The following PCDH9 variants were observed in gnomAD, a reference collection of about 807,000 sequenced individuals.
PCDH9 encodes the protein protocadherin 9, also known as protocadherin-9.
PCDH9 carries 24 observed loss-of-function variants against 70.6 expected under a neutral mutation model. That is an observed-to-expected ratio of 0.34 (90% CI 0.25 to 0.48). PCDH9 has a LOEUF of 0.48. PCDH9 is among the 20% of genes least tolerant of loss of function. The pLI, the probability that PCDH9 is intolerant of heterozygous loss-of-function variation, is 0.99. For missense variants in PCDH9, 1,281 were observed against 1,503.6 expected, an observed-to-expected ratio of 0.85 and a Z score of 2.45; for synonymous variants, 562 against 558.5, an observed-to-expected ratio of 1.01 and a Z score of -0.09.
chr13:67,003,589 G>A (rs576658311), intron 2 of PCDH9, among the ~76,000 whole-genome samples: 4 of 151,912 alleles, frequency 2.6e-5, no homozygotes, highest in East Asian at 1.9e-4. Flanking sequence ...TTAGCATTTC[G>A]GGACTTTGAA....
At chr13:66,596,507 T>C (rs1246740945) in intron 4 of PCDH9, among the ~76,000 whole-genome samples, 1 of 146,202 alleles carries the variant, frequency 6.8e-6, no homozygotes, top group Admixed American at 6.8e-5. Context: ...ACAGATGCAT[T>C]ATATTTTCAT....
At chr13:66,851,617 T>A (rs933597344) in intron 3 of PCDH9, among the ~76,000 whole-genome samples, 11 of 150,162 alleles carry the variant, frequency 7.3e-5, no homozygotes, top group Non-Finnish European at 1.3e-4. Context: ...ACTCATTTTA[T>A]TGACTCTGTG....
At chr13:66,673,962 C>A (rs1181284309) in intron 3 of PCDH9, among the ~76,000 whole-genome samples, 2 of 152,036 alleles carry the variant, frequency 1.3e-5, no homozygotes, top group East Asian at 3.8e-4. Context: ...CTTATGATAT[C>A]ATTCTATTAC....
rs540676854 is a variant in PCDH9, at chr13:66,346,999, G to A, written c.3341-41971C>T. Among the ~76,000 whole-genome samples the A allele has an allele frequency of 9.3e-4, 141 of 152,284 alleles. 2 individuals are homozygous for A. The highest frequency in any genetic ancestry group is 3.7e-3 in the South Asian group (18 of 4,826). ...TTCATTGTATTCAATTTAAGATTAT[G>A]GGGATATATTAACTCTTTCAGGCTC... On this transcript the variant is annotated intron_variant, in intron 4 of 4. Coordinates refer to ENST00000377865, the MANE Select transcript of PCDH9 (RefSeq NM_203487.3).
intron 2 of PCDH9, chr13:67,224,850 T>C (rs1342128494): frequency 2.1e-6 from 2 of 953,986 alleles, no homozygotes; most frequent in East Asian, 1.2e-4. Flanking sequence ...AGACTTCCTA[T>C]ATGGCTTAGT....
chr13:66,414,637 T>C (rs1473806687), intron 4 of PCDH9, among the ~76,000 whole-genome samples: 1 of 152,228 alleles, frequency 6.6e-6, no homozygotes, highest in South Asian at 2.1e-4. Flanking sequence ...CTTATAGTTT[T>C]TGCAGGATGC....
rs183694249 is a variant in PCDH9, at chr13:66,660,720, A to G, written c.3139-29309T>C. ...ATAACTGAAATCTAAAACATAATTCATAAGGAATACAGAAAGAAAATAGAA... is the reference window on the plus strand; with the variant it reads ...ATAACTGAAATCTAAAACATAATTCGTAAGGAATACAGAAAGAAAATAGAA... On this transcript the variant is annotated intron_variant, in intron 3 of 4. Coordinates refer to ENST00000377865, the MANE Select transcript of PCDH9 (RefSeq NM_203487.3). Among the ~76,000 whole-genome samples, 154 of 152,302 alleles carry G rather than the reference A, an allele frequency of 1.0e-3. 3 individuals carry two copies. Among genetic ancestry groups the G allele is most frequent in the African/African-American group, 3.5e-3 (145 of 41,586 alleles).
chr13:67,042,605 T>C (rs1414832021), intron 2 of PCDH9, among the ~76,000 whole-genome samples: 1 of 152,086 alleles, frequency 6.6e-6, no homozygotes, highest in Admixed American at 6.5e-5. Context: ...ACAAGTTGAG[T>C]TGATGTCATA....
chr13:66,458,449 C>T (rs531396325), intron 4 of PCDH9, among the ~76,000 whole-genome samples: 5 of 152,184 alleles, frequency 3.3e-5, no homozygotes, highest in African/African-American at 9.6e-5. Context: ...TAGGAAGCCA[C>T]ATCTCCAACA....
At chr13:66,638,267 C>T (rs1821842550) in intron 3 of PCDH9, among the ~76,000 whole-genome samples, 1 of 152,180 alleles carries the variant, frequency 6.6e-6, no homozygotes, top group Non-Finnish European at 1.5e-5. Flanking sequence ...AGCTGTGTCA[C>T]CTTTTCATAA....
intron 2 of PCDH9, chr13:67,214,935 G>GATATATATGTAT (rs2089557079): frequency 1.1e-5 from 1 of 89,248 alleles, no homozygotes; most frequent in Non-Finnish European, 2.4e-5. Flanking sequence ...TTGCGAGCCA[G>GATATATATGTAT]ATATATATAT....
intron 2 of PCDH9, among the ~76,000 whole-genome samples, chr13:67,103,091 T>C (rs2086466366): frequency 6.6e-6 from 1 of 152,122 alleles, no homozygotes; most frequent in African/African-American, 2.4e-5. Context: ...TTTTTAAATG[T>C]TTTTTAAAAA....
chr13:67,052,524 T>C (rs2085341780), intron 2 of PCDH9, among the ~76,000 whole-genome samples: 2 of 151,992 alleles, frequency 1.3e-5, no homozygotes, highest in African/African-American at 4.8e-5. Context: ...AGGATCCTAT[T>C]TGCATTATAG....
intron 3 of PCDH9, among the ~76,000 whole-genome samples, chr13:66,662,962 T>G (rs1418112360): frequency 6.6e-6 from 1 of 152,210 alleles, no homozygotes; most frequent in Non-Finnish European, 1.5e-5. Context: ...CCTTATAGAT[T>G]TAAAAAGAAA....
chr13:66,891,356 G>A (rs918231652), intron 3 of PCDH9, among the ~76,000 whole-genome samples: 12 of 152,062 alleles, frequency 7.9e-5, no homozygotes, highest in Non-Finnish European at 1.6e-4. Context: ...CATGGCCTCA[G>A]CGGAAATGCT....
At chr13:66,309,185 T>C (rs1008695828) in intron 4 of PCDH9, among the ~76,000 whole-genome samples, 6 of 152,164 alleles carry the variant, frequency 3.9e-5, no homozygotes, top group Non-Finnish European at 7.4e-5. Context: ...TGCTGTGATA[T>C]TAAGGAGAAA....
At chr13:67,201,142 A>G (rs965866634) in intron 2 of PCDH9, 8 of 152,104 alleles carry the variant, frequency 5.3e-5, no homozygotes, top group African/African-American at 1.9e-4. Context: ...AAGCAAGAAT[A>G]AGTACAGACT....
chr13:66,889,089 G>A (rs1218824305), intron 3 of PCDH9, among the ~76,000 whole-genome samples: 4 of 152,148 alleles, frequency 2.6e-5, no homozygotes, highest in Non-Finnish European at 2.9e-5. Context: ...TCTATGGTCT[G>A]GTTATCAATA....
rs1164464058 is a variant in PCDH9, at chr13:66,721,097, A to C, written c.3139-89686T>G. The stretch of plus-strand genomic sequence containing the variant: ...TTAGCATTAATTTAACACAAAAATT[A>C]TTTGCGCACAGGAGTTTCAAGTGCT... On this transcript the variant is annotated intron_variant, in intron 3 of 4. Coordinates refer to ENST00000377865, the MANE Select transcript of PCDH9 (RefSeq NM_203487.3). Among the ~76,000 whole-genome samples the C allele has an allele frequency of 3.3e-5, 5 of 152,222 alleles. No individual in the cohort carries two copies. The East Asian group carries it at 9.6e-4, about 29-fold the overall frequency.
Sources: gnomAD v4.1 joint callset for allele counts (sites outside exome capture counted in the v4.1 genomes callset) on GRCh38, gnomAD v4.1.1 for gene constraint, MANE v1.5 for transcripts, NCBI Gene and HGNC (gene_info 2026-07-23, HGNC 2026-07-21) for gene names.